SLC13A4: variants seen among roughly 807,000 people sequenced by gnomAD.
SLC13A4 encodes Na(+)/sulfate cotransporter SUT-1.
Under a neutral mutation model 72.7 loss-of-function variants are expected in SLC13A4, and 28 were observed. The observed-to-expected ratio is 0.39, with a 90% CI of 0.29 to 0.53. The LOEUF is 0.53. SLC13A4 is among the 20% of genes least tolerant of loss of function. The probability of loss-of-function intolerance (pLI) is 0.78; values close to 1 mark genes in which losing one functional copy is unlikely to be tolerated. For missense variants in SLC13A4, 653 were observed against 788.0 expected, an observed-to-expected ratio of 0.83 and a Z score of 2.05; for synonymous variants, 312 against 325.5, an observed-to-expected ratio of 0.96 and a Z score of 0.45.
chr7:135,727,601 T>G lies in SLC13A4; in HGVS notation c.-105A>C. On this transcript the variant is annotated 5_prime_UTR_variant, in exon 1 of 16. Coordinates refer to ENST00000682651, the MANE Select transcript of SLC13A4 (RefSeq NM_001318192.2). ...CCAGAAAGACTTCTTAAACCTTTCT[T>G]GGCTTCCGAGAGTCCTCCTTCGTCT... The G allele has an allele frequency of 1.4e-6, 2 of 1,379,642 alleles. No individual in the cohort carries two copies. Among genetic ancestry groups the G allele is most frequent in the South Asian group, 3.0e-5 (2 of 65,740 alleles). The allele number at this position is 1,379,642 out of a possible 1,614,324, so 85.5% of individuals were successfully genotyped here. A position where few individuals can be genotyped will look rare whatever the true frequency, so the allele number is the denominator to read the frequency against.
At chr7:135,685,448 GC>G (rs1206940784) in intron 14 of SLC13A4, 73 bp downstream of exon 14, 7 of 1,385,796 alleles carry the variant, frequency 5.1e-6, no homozygotes, top group Non-Finnish European at 7.1e-6. Flanking sequence ...TACGGAAGCT[GC>G]CCTGAGCCAG....
At chr7:135,691,761 A>C in intron 11 of SLC13A4, 116 bp from the exon 12 acceptor site, 1 of 683,450 alleles carries the variant, frequency 1.5e-6, no homozygotes, top group Non-Finnish European at 2.5e-6. Flanking sequence ...ATCTAGAGGT[A>C]ACATTAAGCT....
chr7:135,702,472 T>G, intron 6 of SLC13A4: 1 of 217,112 alleles, frequency 4.6e-6, no homozygotes, highest in Non-Finnish European at 9.3e-6. Flanking sequence ...GCCTCCCAGG[T>G]TCAAGTGATT....
chr7:135,721,801 C>T (rs1796555689), intron 1 of SLC13A4, among the ~76,000 whole-genome samples: 1 of 152,164 alleles, frequency 6.6e-6, no homozygotes, highest in Non-Finnish European at 1.5e-5. Context: ...TGGAAACTGC[C>T]AAGGTGGGGA....
chr7:135,718,362 C>A (rs73160747), intron 2 of SLC13A4, among the ~76,000 whole-genome samples: 1 of 152,232 alleles, frequency 6.6e-6, no homozygotes, highest in South Asian at 2.1e-4. Flanking sequence ...ATCCTATTCA[C>A]GTGCCTTCCT....
At chr7:135,698,455 C>G (rs1795955061) in intron 8 of SLC13A4, among the ~76,000 whole-genome samples, 1 of 149,458 alleles carries the variant, frequency 6.7e-6, no homozygotes, top group Non-Finnish European at 1.5e-5. Flanking sequence ...CTGCCTCAGC[C>G]TCCTAAGTAG....
chr7:135,687,149 C>T (rs1336243423), intron 13 of SLC13A4, among the ~76,000 whole-genome samples: 2 of 152,160 alleles, frequency 1.3e-5, no homozygotes, highest in Non-Finnish European at 2.9e-5. Context: ...GGCTACCTCC[C>T]TCTCCTAAAA....
chr7:135,728,044 C>T lies in SLC13A4; in HGVS notation c.-548G>A, dbSNP rs1796706735. The T allele has an allele frequency of 6.6e-6, 1 of 152,274 alleles. No individual in the cohort carries two copies. Among genetic ancestry groups the T allele is most frequent in the African/African-American group, 2.4e-5 (1 of 41,428 alleles). 9.4% of individuals were successfully genotyped at this position (152,274 alleles called of 1,614,324 possible). On this transcript the variant is annotated 5_prime_UTR_variant, in exon 1 of 16. Coordinates refer to ENST00000682651, the MANE Select transcript of SLC13A4 (RefSeq NM_001318192.2). ...TAGCCCCTTTCCTTAAAACAAGCAC[C>T]TGAGCTTGTCAGAGTTGCATGCGGA...
At chr7:135,697,100 A>G (rs1013139192) in intron 8 of SLC13A4, among the ~76,000 whole-genome samples, 1 of 152,184 alleles carries the variant, frequency 6.6e-6, no homozygotes, top group East Asian at 1.9e-4. Flanking sequence ...CCTTTACCCA[A>G]AGGTTATTAT....
Position 135,708,258 on chromosome 7 carries a change from G to A in SLC13A4, c.229-8C>T, listed in dbSNP as rs771728355. On this transcript the variant is annotated splice_polypyrimidine_tract_variant and splice_region_variant and intron_variant, in intron 2 of 15. Coordinates refer to ENST00000682651, the MANE Select transcript of SLC13A4 (RefSeq NM_001318192.2). Reference sequence around the variant, plus strand: ...GAAGTACTCCGCCGCCACCTGTAGGGAGGCCAGGCATGTCAGTCACCCTCC... The same window carrying A: ...GAAGTACTCCGCCGCCACCTGTAGGAAGGCCAGGCATGTCAGTCACCCTCC... 1 of 1,614,094 alleles carries A rather than the reference G, an allele frequency of 6.2e-7. No homozygotes were observed. The highest frequency in any genetic ancestry group is 8.5e-7 in the Non-Finnish European group (1 of 1,179,984).
chr7:135,700,924 C>T (rs754215324), intron 7 of SLC13A4, among the ~76,000 whole-genome samples: 4 of 152,180 alleles, frequency 2.6e-5, no homozygotes, highest in African/African-American at 7.2e-5. Context: ...GCTGAACCAC[C>T]GCACCTGGCT....
chr7:135,686,267 G>T (rs1795620715), intron 13 of SLC13A4, among the ~76,000 whole-genome samples: 1 of 152,204 alleles, frequency 6.6e-6, no homozygotes, highest in Non-Finnish European at 1.5e-5. Context: ...TTTCCACTTA[G>T]TGGAGAAGGT....
chr7:135,683,327 A>ATG, intron 15 of SLC13A4: 3 of 520,442 alleles, frequency 5.8e-6, no homozygotes, highest in Non-Finnish European at 4.9e-6. Context: ...AAAAAAAAGG[A>ATG]TAAAAAAGGA....
intron 2 of SLC13A4, among the ~76,000 whole-genome samples, chr7:135,708,742 TAA>T (rs928923595): frequency 1.3e-5 from 2 of 152,046 alleles, no homozygotes; most frequent in Non-Finnish European, 2.9e-5. Flanking sequence ...TAAAAAAAGT[TAA>T]AGACAAAATT....
chr7:135,682,434 T>C (rs1795523713), intron 15 of SLC13A4, among the ~76,000 whole-genome samples: 1 of 152,224 alleles, frequency 6.6e-6, no homozygotes, highest in Non-Finnish European at 1.5e-5. Flanking sequence ...TAACCAGGCA[T>C]ATAGCATGTA....
intron 1 of SLC13A4, among the ~76,000 whole-genome samples, chr7:135,723,360 A>G (rs775656910): frequency 6.6e-6 from 1 of 152,162 alleles, no homozygotes; most frequent in African/African-American, 2.4e-5. Context: ...CCAGCCCTCC[A>G]TCAGCTTGCC....
chr7:135,720,828 G>A (rs996150609), intron 2 of SLC13A4, among the ~76,000 whole-genome samples: 4 of 152,320 alleles, frequency 2.6e-5, no homozygotes, highest in African/African-American at 7.2e-5. Flanking sequence ...AATGGAGAGG[G>A]CTCACTCTAG....
At chr7:135,712,687 G>C (rs900208756) in intron 2 of SLC13A4, among the ~76,000 whole-genome samples, 2 of 152,138 alleles carry the variant, frequency 1.3e-5, no homozygotes, top group African/African-American at 4.8e-5. Context: ...AAGCCACAGG[G>C]CTGCTTTTTC....
At chr7:135,694,089 G>T in intron 10 of SLC13A4, 48 bp downstream of exon 10, 1 of 1,136,522 alleles carries the variant, frequency 8.8e-7, no homozygotes, top group Non-Finnish European at 1.3e-6. Context: ...CACTTTACCT[G>T]CTGTGTTTCT....
Sources: allele counts gnomAD v4.1 joint callset (sites outside exome capture counted in the v4.1 genomes callset), GRCh38; gene constraint gnomAD v4.1.1; transcripts MANE v1.5; gene names NCBI Gene and HGNC (gene_info 2026-07-23, HGNC 2026-07-21).